Variants in AUTS2 observed in about 807,000 individuals in gnomAD.
AUTS2 encodes autism susceptibility gene 2 protein.
Under a neutral mutation model 112.4 loss-of-function variants are expected in AUTS2, and 17 were observed. That is an observed-to-expected ratio of 0.15 (90% CI 0.10 to 0.23). The LOEUF is 0.23. AUTS2 is among the 10% of genes least tolerant of loss of function. The probability of loss-of-function intolerance (pLI) is 1.00; values close to 1 mark genes in which losing one functional copy is unlikely to be tolerated. For synonymous variants in AUTS2, 751 were observed against 702.7 expected, an observed-to-expected ratio of 1.07 and a Z score of -1.09; for missense variants, 1,510 against 1,701.6, an observed-to-expected ratio of 0.89 and a Z score of 1.98.
chr7:70,568,137 C>G (rs992285684), intron 5 of AUTS2, among the ~76,000 whole-genome samples: 7 of 152,198 alleles, frequency 4.6e-5, no homozygotes, highest in Admixed American at 6.5e-5. Flanking sequence ...CTACATAGTT[C>G]AGAATAAGTC....
At chr7:69,635,343 C>G (rs564158024) in intron 1 of AUTS2, among the ~76,000 whole-genome samples, 1 of 152,162 alleles carries the variant, frequency 6.6e-6, no homozygotes, top group African/African-American at 2.4e-5. Context: ...AAATACAAAA[C>G]AAAAAGCACC....
rs1791940706 is a variant in AUTS2 at position 70,791,283 on chromosome 7, A to C, written c.*287A>C. On this transcript the variant is annotated 3_prime_UTR_variant, in exon 19 of 19. Transcript: ENST00000342771. ...CAAAACAGTGAAGATGACAACACAC[A>C]CCAATTGGATGATAATTGTAGCGGG... 14 of 192,304 alleles carry C rather than the reference A, an allele frequency of 7.3e-5. No individual in the cohort carries two copies. Among genetic ancestry groups the C allele is most frequent in the Non-Finnish European group, 9.0e-5 (9 of 99,656 alleles). 11.9% of individuals were successfully genotyped at this position (192,304 alleles called of 1,614,324 possible).
intron 1 of AUTS2, among the ~76,000 whole-genome samples, chr7:69,836,967 G>A (rs1791755718): frequency 6.6e-6 from 1 of 152,150 alleles, no homozygotes; most frequent in Non-Finnish European, 1.5e-5. Flanking sequence ...TCATGTGAAT[G>A]TGTGCAGTAT....
At chr7:70,300,063 A>G (rs1446962778) in intron 4 of AUTS2, among the ~76,000 whole-genome samples, 1 of 152,176 alleles carries the variant, frequency 6.6e-6, no homozygotes, top group African/African-American at 2.4e-5. Flanking sequence ...CCACTGCATC[A>G]TGCGTGTGTA....
chr7:70,350,014 A>G (rs1791676115), intron 4 of AUTS2, among the ~76,000 whole-genome samples: 1 of 152,128 alleles, frequency 6.6e-6, no homozygotes, highest in Non-Finnish European at 1.5e-5. Flanking sequence ...ACAACAGGAG[A>G]GGCTGGATTA....
intron 1 of AUTS2, among the ~76,000 whole-genome samples, chr7:69,740,749 T>C (rs1332102604): frequency 6.6e-6 from 1 of 152,050 alleles, no homozygotes; most frequent in African/African-American, 2.4e-5. Context: ...CTCAAACCCC[T>C]GACCTTAGGT....
intron 12 of AUTS2, chr7:70,775,006 G>GTCT (rs1790597363): frequency 3.6e-6 from 1 of 277,814 alleles, no homozygotes; most frequent in Admixed American, 5.2e-5. Flanking sequence ...AAAGCCAGGG[G>GTCT]TCTGAAGGCC....
chr7:69,711,595 T>G (rs1164162084), intron 1 of AUTS2, among the ~76,000 whole-genome samples: 1 of 152,208 alleles, frequency 6.6e-6, no homozygotes, highest in Non-Finnish European at 1.5e-5. Context: ...GGACATTTGC[T>G]TGTTTCCTTT....
chr7:69,717,435 G>T (rs1042974199), intron 1 of AUTS2, among the ~76,000 whole-genome samples: 6 of 152,168 alleles, frequency 3.9e-5, no homozygotes, highest in African/African-American at 1.4e-4. Flanking sequence ...TTGTGGCCCT[G>T]TGTGGAAACT....
intron 1 of AUTS2, among the ~76,000 whole-genome samples, chr7:69,847,854 G>A (rs533776086): frequency 2.5e-4 from 38 of 152,126 alleles, no homozygotes; most frequent in Admixed American, 3.9e-4. Context: ...TCTGAAAACA[G>A]CTCTGCTCTT....
chr7:69,707,788 A>G (rs1246406865), intron 1 of AUTS2, among the ~76,000 whole-genome samples: 1 of 152,210 alleles, frequency 6.6e-6, no homozygotes, highest in African/African-American at 2.4e-5. Context: ...AACTCTTTAA[A>G]CTGAAATATG....
At chr7:70,638,468 C>G (rs985230967) in intron 5 of AUTS2, among the ~76,000 whole-genome samples, 1 of 152,144 alleles carries the variant, frequency 6.6e-6, no homozygotes, top group Non-Finnish European at 1.5e-5. Context: ...CTCATCAAGT[C>G]AGAGAATTTT....
intron 1 of AUTS2, among the ~76,000 whole-genome samples, chr7:69,612,782 T>C (rs62457182): frequency 0.032 from 4,878 of 152,244 alleles, 169 homozygotes; most frequent in Non-Finnish European, 0.04. Context: ...TGTTATTCTC[T>C]CTGTATTCTC....
chr7:70,562,857 C>G (rs1801548236), intron 5 of AUTS2, among the ~76,000 whole-genome samples: 1 of 152,136 alleles, frequency 6.6e-6, no homozygotes, highest in African/African-American at 2.4e-5. Context: ...AAGCAAATGA[C>G]AACTAAGAGA....
At chr7:70,112,448 T>C (rs1021338249) in intron 2 of AUTS2, among the ~76,000 whole-genome samples, 2 of 152,072 alleles carry the variant, frequency 1.3e-5, no homozygotes, top group Non-Finnish European at 2.9e-5. Flanking sequence ...CAATTTACTG[T>C]ATATTAACTA....
At chr7:70,683,073 G>A (rs1177327789) in intron 5 of AUTS2, among the ~76,000 whole-genome samples, 1 of 152,206 alleles carries the variant, frequency 6.6e-6, no homozygotes, top group Non-Finnish European at 1.5e-5. Context: ...CCTTCTAATG[G>A]GAGGCATGAC....
chr7:69,778,234 A>G (rs1445074627), intron 1 of AUTS2, among the ~76,000 whole-genome samples: 1 of 73,260 alleles, frequency 1.4e-5, no homozygotes, highest in African/African-American at 5.3e-5. Flanking sequence ...CCCCATATAT[A>G]TATATATATA....
At chr7:70,105,046 A>G (rs1255578742) in intron 2 of AUTS2, among the ~76,000 whole-genome samples, 1 of 152,214 alleles carries the variant, frequency 6.6e-6, no homozygotes, top group African/African-American at 2.4e-5. Flanking sequence ...TACTTTTACT[A>G]CTATATTCCA....
chr7:70,028,070 C>T (rs376767723), intron 2 of AUTS2, among the ~76,000 whole-genome samples: 1 of 151,072 alleles, frequency 6.6e-6, no homozygotes, highest in African/African-American at 2.5e-5. Context: ...GTCCGCCCCC[C>T]CCACCCTCAT....
Sources: gnomAD v4.1 joint callset for allele counts (sites outside exome capture counted in the v4.1 genomes callset) on GRCh38, gnomAD v4.1.1 for gene constraint, MANE v1.5 for transcripts, NCBI Gene and HGNC (gene_info 2026-07-23, HGNC 2026-07-21) for gene names.